The following NF1 variants were observed in gnomAD, a reference collection of about 807,000 sequenced individuals.
The protein encoded by NF1 is neurofibromin 1.
NF1 carries 122 observed loss-of-function variants against 325.7 expected under a neutral mutation model. The observed-to-expected ratio is 0.37, with a 90% confidence interval of 0.32 to 0.44. The LOEUF (loss-of-function observed/expected upper bound fraction) is 0.44, where lower values mean the gene tolerates loss of function less well. NF1 is among the 20% of genes least tolerant of loss of function. NF1 has a pLI of 1.00. For missense variants in NF1, 2,140 were observed against 3,415.4 expected, an observed-to-expected ratio of 0.63 and a Z score of 9.31; for synonymous variants, 1,091 against 1,186.0, an observed-to-expected ratio of 0.92 and a Z score of 1.65.
chr17:31,160,773 T>C (rs1263595230), intron 3 of NF1, among the ~76,000 whole-genome samples: 1 of 152,186 alleles, frequency 6.6e-6, no homozygotes, highest in Non-Finnish European at 1.5e-5. Context: ...GAGGTAATAA[T>C]GAATGTATTT....
In NF1 at chr17:31,349,195, A is replaced by G. The variant is rs1597858501; in HGVS notation, c.7265A>G (p.Lys2422Arg). 1 of 1,613,676 alleles carries G rather than the reference A, an allele frequency of 6.2e-7. No homozygotes were observed. The highest frequency in any genetic ancestry group is 1.1e-5 in the South Asian group (1 of 91,016). ...CATACACTACTAACTCTGGTTAACAAACACAGAAATTGTGACAAATTTGAA... is the reference window on the plus strand; with the variant it reads ...CATACACTACTAACTCTGGTTAACAGACACAGAAATTGTGACAAATTTGAA... Reference protein sequence around the residue: ...ILHTLLTLVNKHRNCDKFEVN... With the variant: ...ILHTLLTLVNRHRNCDKFEVN... Residue 2422 changes from lysine to arginine, a missense_variant, in exon 49 of 58, where the codon AAA becomes AGA. Physicochemically the swap from Lys to Arg is conservative, Grantham distance 26. Transcript: ENST00000358273.
At chr17:31,098,424 A>G (rs1172187110) in intron 1 of NF1, among the ~76,000 whole-genome samples, 1 of 151,920 alleles carries the variant, frequency 6.6e-6, no homozygotes, top group African/African-American at 2.4e-5. Flanking sequence ...GAGTGCAATG[A>G]TGCGACCTTG....
At position 31,376,046 on chromosome 17, in the gene NF1, G is replaced by C. The variant is rs2070726461; in HGVS notation, c.*1891G>C. On this transcript the variant is annotated 3_prime_UTR_variant, in exon 58 of 58. Coordinates refer to ENST00000358273, the MANE Select transcript of NF1 (RefSeq NM_001042492.3). ...ATGTTTATAATGACAGAGCAACTAT[G>C]ACTATATAAAAAAGCTGAAATTAGA... 4.3e-6 allele frequency: 1 copy of C among 232,832 alleles called. No homozygotes were observed. The highest frequency in any genetic ancestry group is 2.2e-5 in the African/African-American group (1 of 45,316). 14.4% of individuals were successfully genotyped at this position (232,832 alleles called of 1,614,324 possible).
chr17:31,356,809 G>T, intron 52 of NF1, 151 bp from the exon 53 acceptor site: 3 of 1,278,968 alleles, frequency 2.3e-6, no homozygotes, highest in Admixed American at 2.0e-5. Flanking sequence ...CAAAACTTTT[G>T]TGTAGGCGAA....
chr17:31,168,521 C>T (rs944702770), intron 4 of NF1, among the ~76,000 whole-genome samples: 1 of 152,072 alleles, frequency 6.6e-6, no homozygotes, highest in Non-Finnish European at 1.5e-5. Flanking sequence ...TAATCAGTAT[C>T]ATTTCTTCAT....
chr17:31,226,776 G>C, intron 18 of NF1, 92 bp downstream of exon 18: 1 of 1,528,518 alleles, frequency 6.5e-7, no homozygotes, highest in South Asian at 1.1e-5. Context: ...TACTTTGTAA[G>C]TTTACAGGGG....
intron 8 of NF1, among the ~76,000 whole-genome samples, chr17:31,185,995 C>T (rs537735706): frequency 3.3e-5 from 5 of 152,250 alleles, no homozygotes; most frequent in African/African-American, 7.2e-5. Context: ...TTGGTGGAAA[C>T]GGAATGTTTA....
intron 37 of NF1, among the ~76,000 whole-genome samples, chr17:31,326,572 G>C (rs887189412): frequency 6.6e-6 from 1 of 152,060 alleles, no homozygotes; most frequent in Non-Finnish European, 1.5e-5. Context: ...GCTTGAACCC[G>C]GGAGGTGGAG....
At chr17:31,265,189 A>T in intron 35 of NF1, 40 bp from the exon 36 acceptor site, 1 of 1,360,462 alleles carries the variant, frequency 7.4e-7, no homozygotes, top group Non-Finnish European at 1.1e-6. Flanking sequence ...CTCAGTAGAC[A>T]ACATAAAGCC....
chr17:31,282,375 C>A (rs562714258), intron 36 of NF1, among the ~76,000 whole-genome samples: 1 of 123,680 alleles, frequency 8.1e-6, no homozygotes, highest in Non-Finnish European at 1.6e-5. Context: ...GAGCGAGATT[C>A]CATCTCAAAA....
At chr17:31,323,269 C>T (rs748733914) in intron 36 of NF1, among the ~76,000 whole-genome samples, 15 of 151,720 alleles carry the variant, frequency 9.9e-5, no homozygotes, top group Non-Finnish European at 1.2e-4. Context: ...AAAAACTAGC[C>T]GGGCATGGTG....
chr17:31,372,336 G>A (rs1224178634), intron 57 of NF1, among the ~76,000 whole-genome samples: 1 of 152,056 alleles, frequency 6.6e-6, no homozygotes, highest in Non-Finnish European at 1.5e-5. Context: ...ATATCAATCA[G>A]TAATGTACAT....
At chr17:31,327,951 A>G (rs2069390111) in intron 38 of NF1, 112 bp downstream of exon 38, 2 of 1,072,820 alleles carry the variant, frequency 1.9e-6, no homozygotes, top group African/African-American at 3.1e-5. Flanking sequence ...ATTGGAAGGT[A>G]TGCAGTGTTG....
At chr17:31,353,088 T>A (rs980984177) in intron 51 of NF1, among the ~76,000 whole-genome samples, 122 of 152,056 alleles carry the variant, frequency 8.0e-4, no homozygotes, top group African/African-American at 2.7e-3. Context: ...TTTGTATTTT[T>A]AGTAGAGACA....
chr17:31,262,203 C>G (rs1022979201), intron 35 of NF1, among the ~76,000 whole-genome samples: 1 of 152,140 alleles, frequency 6.6e-6, no homozygotes, highest in African/African-American at 2.4e-5. Context: ...AGATTCCACA[C>G]CTGATTCATA....
rs1345010655 is a variant in NF1, at chr17:31,374,996, A to G, written c.*841A>G. ...GTTTTGTTTTTTGTAAACCAAAACT[A>G]TACTAAGTATAGTAATTATATATAT... is the stretch of plus-strand genomic sequence containing the variant. On this transcript the variant is annotated 3_prime_UTR_variant, in exon 58 of 58. Coordinates refer to ENST00000358273, the MANE Select transcript of NF1 (RefSeq NM_001042492.3). 5 of 203,412 alleles carry G rather than the reference A, an allele frequency of 2.5e-5. No homozygotes were observed. The highest frequency in any genetic ancestry group is 7.1e-5 in the East Asian group (1 of 14,012). The allele number at this position is 203,412 out of a possible 1,614,324, so 12.6% of individuals were successfully genotyped here.
Position 31,374,338 on chromosome 17 carries a change from C to T in NF1, c.*183C>T. ...GAAGCCTTGCCTAAATTTAATGCTG[C>T]CTTTTCTTTAACTTTTTTTCTTCTA... On this transcript the variant is annotated 3_prime_UTR_variant, in exon 58 of 58. Transcript: ENST00000358273. The T allele has an allele frequency of 1.3e-6, 1 of 747,678 alleles. No individual in the cohort carries two copies. The highest frequency in any genetic ancestry group is 1.7e-5 in the South Asian group (1 of 59,844). The allele number at this position is 747,678 out of a possible 1,614,324, so 46.3% of individuals were successfully genotyped here.
chr17:31,339,521 A>G (rs2854308), intron 46 of NF1, among the ~76,000 whole-genome samples: 77,320 of 152,026 alleles, frequency 0.51, 21,236 homozygotes, highest in Non-Finnish European at 0.62. Flanking sequence ...ACTTGGGAGA[A>G]ATAACAGAGA....
chr17:31,103,728 G>C (rs992279070), intron 1 of NF1, among the ~76,000 whole-genome samples: 5 of 152,050 alleles, frequency 3.3e-5, no homozygotes, highest in African/African-American at 9.7e-5. Flanking sequence ...CAAGCTTTTT[G>C]GGGGGCTGAG....
Sources: allele counts gnomAD v4.1 joint callset (sites outside exome capture counted in the v4.1 genomes callset), GRCh38; gene constraint gnomAD v4.1.1; transcripts MANE v1.5; gene names NCBI Gene and HGNC (gene_info 2026-07-23, HGNC 2026-07-21).